Variants in SGSH observed in about 807,000 individuals in gnomAD.
SGSH encodes the protein heparan sulfate sulfatase.
Under a neutral mutation model 51.0 loss-of-function variants are expected in SGSH, and 48 were observed. That is an observed-to-expected ratio of 0.94 (90% CI 0.75 to 1.20). SGSH has a LOEUF of 1.20. SGSH is among the 50% of genes most tolerant of loss of function. The pLI is 0.00. For missense variants in SGSH, 662 were observed against 717.8 expected, an observed-to-expected ratio of 0.92 and a Z score of 0.89; for synonymous variants, 321 against 313.4, an observed-to-expected ratio of 1.02 and a Z score of -0.26.
At chr17:80,208,017 C>A, downstream of SGSH, 1 of 652,720 alleles carries the variant, frequency 1.5e-6, no homozygotes, top group Admixed American at 3.3e-5. Context: ...TTACAAGGTC[C>A]CCTCAAAGCG....
chr17:80,215,279 A>G (rs1371384000), intron 2 of SGSH, 141 bp from the exon 3 acceptor site: 8 of 693,652 alleles, frequency 1.2e-5, no homozygotes, highest in Non-Finnish European at 1.8e-5. Flanking sequence ...ACCCAGAGAC[A>G]CTGGCTGTAC....
Position 80,212,541 on chromosome 17 carries a change from C to T in SGSH, c.746-267G>A, listed in dbSNP as rs928067416. ...GCACTTCTGTGTCACCCCCAGGCAGCTGCTCCCTGGTGCCCGCCGGCTTTT... is the reference window on the plus strand; with the variant it reads ...GCACTTCTGTGTCACCCCCAGGCAGTTGCTCCCTGGTGCCCGCCGGCTTTT... On this transcript the variant is annotated intron_variant, in intron 6 of 7. Transcript: ENST00000326317. This position sits in a 1 kb window ranked among gnomAD's most constrained non-coding sequence, Gnocchi z 5.9. 4.7e-5 allele frequency: 25 copies of T among 536,826 alleles called. No individual in the cohort carries two copies. The highest frequency in any genetic ancestry group is 8.1e-5 in the Non-Finnish European group (24 of 295,690). The allele number at this position is 536,826 out of a possible 1,614,324, so 33.3% of individuals were successfully genotyped here. A position where few individuals can be genotyped will look rare whatever the true frequency, so the allele number is the denominator to read the frequency against.
Position 80,210,744 on chromosome 17 carries a change from G to C in SGSH, c.1217C>G (p.Pro406Arg), listed in dbSNP as rs1246158278. 1 of 1,613,962 alleles carries C rather than the reference G, an allele frequency of 6.2e-7. No homozygotes were observed. Among genetic ancestry groups the C allele is most frequent in the African/African-American group, 1.3e-5 (1 of 74,922 alleles). The change falls in exon 8 of 8, where the codon CCC becomes CGC. Residue 406 changes from proline to arginine, a missense_variant. Pro to Arg is a moderately radical substitution (Grantham distance 103). Transcript: ENST00000326317. ...GCGGTTCAGGAGGTCCTGGAAGGTG[G>C]GTGAGACGTAGAAGTCCTGGTCGAT... ...FPIDQDFYVSPTFQDLLNRTT... is the reference protein window; with the variant it reads ...FPIDQDFYVSRTFQDLLNRTT...
At position 80,213,942 on chromosome 17, in the gene SGSH, C is replaced by G; in HGVS notation, c.664-57G>C. The G allele has an allele frequency of 6.6e-7, 1 of 1,516,690 alleles. No homozygotes were observed. The highest frequency in any genetic ancestry group is 9.0e-7 in the Non-Finnish European group (1 of 1,114,806). 94.0% of individuals were successfully genotyped at this position (1,516,690 alleles called of 1,614,324 possible). Reference sequence around the variant, plus strand: ...ACAGACAGACCGGGGGAGCGGTGTCCAGCCTTCTCCCCGGGGCCTCCTGCA... The same window carrying G: ...ACAGACAGACCGGGGGAGCGGTGTCGAGCCTTCTCCCCGGGGCCTCCTGCA... On this transcript the variant is annotated intron_variant, in intron 5 of 7. Transcript: ENST00000326317. This position sits in a 1 kb window ranked among gnomAD's most constrained non-coding sequence, Gnocchi z 4.6.
At chr17:80,202,004 C>G, downstream of SGSH, 2 of 1,323,082 alleles carry the variant, frequency 1.5e-6, no homozygotes, top group Non-Finnish European at 2.1e-6. Context: ...GGCTGTGCCC[C>G]AGGTCCCCAG....
chr17:80,219,371 G>T (rs2042035832), intron 1 of SGSH, among the ~76,000 whole-genome samples: 1 of 152,142 alleles, frequency 6.6e-6, no homozygotes, highest in South Asian at 2.1e-4. Flanking sequence ...TTCTGTTTAA[G>T]CCGATCCATG....
At chr17:80,207,048 C>A (rs1364753487), downstream of SGSH, 10 of 1,613,886 alleles carry the variant, frequency 6.2e-6, no homozygotes, top group African/African-American at 1.3e-5. Context: ...CATCGTCATC[C>A]ACGTCTCTGT....
downstream of SGSH, chr17:80,207,005 T>C (rs770449198): frequency 1.2e-6 from 2 of 1,613,788 alleles, no homozygotes; most frequent in Non-Finnish European, 1.7e-6. Context: ...AGCTGGACAG[T>C]GTCTGCACCC....
chr17:80,214,616 G>A lies in SGSH; in HGVS notation c.505C>T (p.Arg169Trp), dbSNP rs770108057. Residue 169 changes from arginine to tryptophan, a missense_variant and splice_region_variant, in exon 4 of 8, where the codon CGG (arginine) becomes TGG (tryptophan). Arg to Trp is a moderately radical substitution (Grantham distance 101). Transcript: ENST00000326317. ...AGGGGCAGGGGCCCCGACTCATACC[G>A]GTCATCCTGAGTCTGCAGGAATTTC... ...VRKFLQTQDDRPFFLYVAFHD... is the reference protein window; with the variant it reads ...VRKFLQTQDDWPFFLYVAFHD... 1.1e-5 allele frequency: 18 copies of A among 1,612,370 alleles called. No individual in the cohort carries two copies. Among genetic ancestry groups the A allele is most frequent in the Admixed American group, 1.7e-5 (1 of 59,946 alleles).
downstream of SGSH, chr17:80,202,606 T>C (rs1045589952): frequency 7.0e-7 from 1 of 1,427,440 alleles, no homozygotes; most frequent in South Asian, 1.5e-5. Flanking sequence ...GCTTTATATA[T>C]TGCAAATGAA....
downstream of SGSH, chr17:80,203,672 C>G: frequency 5.0e-6 from 3 of 596,748 alleles, no homozygotes; most frequent in Non-Finnish European, 6.0e-6. This position sits in a 1 kb window ranked among gnomAD's most constrained non-coding sequence, Gnocchi z 4.6. Context: ...ATGGAGCGCT[C>G]CAGCCTGCAG....
chr17:80,206,240 G>A (rs1040436200), downstream of SGSH, among the ~76,000 whole-genome samples: 8 of 151,706 alleles, frequency 5.3e-5, no homozygotes, highest in Non-Finnish European at 8.8e-5. Flanking sequence ...CGAGGTGGGA[G>A]GATCGCTTGA....
At chr17:80,204,878 TG>T, downstream of SGSH, 1 of 628,504 alleles carries the variant, frequency 1.6e-6, no homozygotes, top group Non-Finnish European at 2.7e-6. Flanking sequence ...GCTATGGAAC[TG>T]GGAGTGAGTC....
chr17:80,210,198 A>G lies in SGSH; in HGVS notation c.*254T>C, dbSNP rs2041576962. ...CCGTGCTGGGACATGGTTCAGACACAAGGACAACTGTGTCCCCTGCCATGA... is the reference window on the plus strand; with the variant it reads ...CCGTGCTGGGACATGGTTCAGACACGAGGACAACTGTGTCCCCTGCCATGA... On this transcript the variant is annotated 3_prime_UTR_variant, in exon 8 of 8. Transcript: ENST00000326317. The G allele has an allele frequency of 7.1e-7, 1 of 1,402,574 alleles. No individual in the cohort carries two copies. Among genetic ancestry groups the G allele is most frequent in the East Asian group, 2.6e-5 (1 of 38,154 alleles). 86.9% of individuals were successfully genotyped at this position (1,402,574 alleles called of 1,614,324 possible).
At chr17:80,203,712 G>A (rs1306353609), downstream of SGSH, 7 of 710,130 alleles carry the variant, frequency 9.9e-6, no homozygotes, top group African/African-American at 5.6e-5. The surrounding 1 kb of genome is among the most constrained non-coding windows in gnomAD (Gnocchi z 4.6). Flanking sequence ...CTAGGTGGAG[G>A]CCCTTCTCTC....
In SGSH at chr17:80,214,666, A is replaced by G. The variant is rs748362261; in HGVS notation, c.455T>C (p.Ile152Thr). 6.2e-7 allele frequency: 1 copy of G among 1,613,468 alleles called. No individual in the cohort carries two copies. Among genetic ancestry groups the G allele is most frequent in the Non-Finnish European group, 8.5e-7 (1 of 1,180,024 alleles). The change falls in exon 4 of 8, where the codon ATC (isoleucine) becomes ACC (threonine). Residue 152 changes from isoleucine (I) to threonine (T), a missense_variant. Transcript: ENST00000326317. The stretch of plus-strand genomic sequence containing the variant: ...CCGGACGAGCAGCTTAATTCTAGTG[A>G]TGTTCCGCCCCACCTGGAGGACGGA... Reference protein sequence around the residue: ...NGSVLQVGRNITRIKLLVRKF... With the variant: ...NGSVLQVGRNTTRIKLLVRKF...
rs1555621984 is a variant in SGSH at position 80,214,766 on chromosome 17, C to T, written c.356-1G>A. On this transcript the variant is annotated splice_acceptor_variant, in intron 3 of 7. Transcript: ENST00000326317. LOFTEE classifies it high-confidence loss of function. Reference sequence around the variant, plus strand: ...CCCACGTGCTTCTTCCCGATGATGCCTGGGCGGGAAGAGAGGCCTGGCCAG... The same window carrying T: ...CCCACGTGCTTCTTCCCGATGATGCTTGGGCGGGAAGAGAGGCCTGGCCAG... 1 of 1,611,042 alleles carries T rather than the reference C, an allele frequency of 6.2e-7. No individual in the cohort carries two copies. Among genetic ancestry groups the T allele is most frequent in the Admixed American group, 1.7e-5 (1 of 60,024 alleles).
At chr17:80,215,376 C>T (rs543501785) in intron 2 of SGSH, among the ~76,000 whole-genome samples, 5 of 152,348 alleles carry the variant, frequency 3.3e-5, no homozygotes, top group Non-Finnish European at 7.3e-5. Context: ...GGGCGTGCAC[C>T]GACACGAGGG....
At chr17:80,205,620 A>G (rs754905711), downstream of SGSH, 1 of 1,518,508 alleles carries the variant, frequency 6.6e-7, no homozygotes, top group Non-Finnish European at 8.9e-7. Context: ...CTGCTGGGTG[A>G]CCCGCCATGC....
Sources: allele counts gnomAD v4.1 joint callset (sites outside exome capture counted in the v4.1 genomes callset), GRCh38; gene constraint gnomAD v4.1.1; non-coding constraint Gnocchi (gnomAD v3.1); transcripts MANE v1.5; gene names NCBI Gene and HGNC (gene_info 2026-07-23, HGNC 2026-07-21).